The following CDH23 variants were observed in gnomAD, a reference collection of about 807,000 sequenced individuals.
CDH23 encodes cadherin related 23.
CDH23 carries 189 observed loss-of-function variants against 317.1 expected under a neutral mutation model. The ratio of observed to expected loss-of-function variants is 0.60; its 90% confidence interval spans 0.53 to 0.67. The LOEUF is 0.67. Ranked by LOEUF, CDH23 falls within the 30% of genes least tolerant of loss-of-function variation. The pLI is 0.00. For missense variants in CDH23, 4,401 were observed against 4,592.4 expected (o/e 0.96, Z 1.20); for synonymous variants, 1,839 against 1,876.8 (o/e 0.98, Z 0.52).
In CDH23 at chr10:71,812,822, C is replaced by T. The variant is rs121908353; in HGVS notation, c.9565C>T (p.Arg3189Trp). 1.5e-5 allele frequency: 24 copies of T among 1,613,342 alleles called. No homozygotes were observed. Among genetic ancestry groups the T allele is most frequent in the African/African-American group, 2.7e-5 (2 of 74,934 alleles). Reference sequence around the variant, plus strand: ...CAAGCCTGATGATGACCGATACCTGCGGGCTGCCATCCAGGAGTATGACAA... The same window carrying T: ...CAAGCCTGATGATGACCGATACCTGTGGGCTGCCATCCAGGAGTATGACAA... ...AVKPDDDRYL[R>W]AAIQEYDNIA... Residue 3189 changes from arginine to tryptophan, a missense_variant, in exon 68 of 70, where the codon CGG becomes TGG. Arg to Trp is a moderately radical substitution (Grantham distance 101). Around this residue, in one of 3 missense-constraint regions of CDH23, gnomAD observed 1,144 missense variants for 1,138.2 expected, o/e 1.01. Transcript: ENST00000224721.
In CDH23 at chr10:71,815,299, G is replaced by A; in HGVS notation, c.*21G>A. 1 of 1,539,198 alleles carries A rather than the reference G, an allele frequency of 6.5e-7. No homozygotes were observed. Among genetic ancestry groups the A allele is most frequent in the South Asian group, 1.3e-5 (1 of 79,624 alleles). ...TGTGACTAGACAGGGAAGCCTTGTG[G>A]GTGTGAGCAGCACCCATCCACCGTC... is the stretch of plus-strand genomic sequence containing the variant. On this transcript the variant is annotated 3_prime_UTR_variant, in exon 70 of 70. Coordinates refer to ENST00000224721, the MANE Select transcript of CDH23 (RefSeq NM_022124.6).
Position 71,619,387 on chromosome 10 carries a change from C to T in CDH23, c.1134+1994C>T, listed in dbSNP as rs549533423. Among the ~76,000 whole-genome samples, 5 of 151,740 alleles carry T rather than the reference C, an allele frequency of 3.3e-5. No individual in the cohort carries two copies. In the South Asian group the frequency reaches 1.0e-3, roughly 32 times the overall value. On this transcript the variant is annotated intron_variant, in intron 11 of 69. Transcript: ENST00000224721. The stretch of plus-strand genomic sequence containing the variant: ...TAGTAGTTTTAAAAGGTGGAAAAAA[C>T]AGGTATAAAAACAAGTTCTAATATG...
intron 1 of CDH23, among the ~76,000 whole-genome samples, chr10:71,410,673 C>G (rs1365950410): frequency 1.3e-5 from 2 of 152,164 alleles, no homozygotes; most frequent in Non-Finnish European, 2.9e-5. Flanking sequence ...GAAGTTAACT[C>G]CTATCCTGAC....
intron 11 of CDH23, 48 bp from the exon 12 acceptor site, chr10:71,643,813 C>G: frequency 1.3e-6 from 1 of 765,730 alleles, no homozygotes; most frequent in Non-Finnish European, 2.4e-6. Context: ...CTCTCCGGCT[C>G]CTTCTGTCTG....
chr10:71,541,440 G>C (rs1188290457), intron 6 of CDH23, among the ~76,000 whole-genome samples: 3 of 152,238 alleles, frequency 2.0e-5, no homozygotes, highest in Non-Finnish European at 4.4e-5. Flanking sequence ...GGCAAGTCTG[G>C]GGCCCTGGCC....
At chr10:71,712,429 G>A (rs1336020598) in intron 27 of CDH23, 2 of 502,982 alleles carry the variant, frequency 4.0e-6, no homozygotes, top group East Asian at 6.3e-5. Flanking sequence ...TGCTTCATGG[G>A]GTTGCTGTGA....
At position 71,785,725 on chromosome 10, in the gene CDH23, G is replaced by A. The variant is rs558551826; in HGVS notation, c.5807G>A (p.Arg1936His). The change falls in exon 44 of 70, where the codon CGC (arginine) becomes CAC (histidine). Residue 1936 changes from arginine to histidine, a missense_variant. By Grantham distance (29) the Arg-to-His change is conservative. This residue lies in a region of CDH23 where 3,068 missense variants were observed against 3,203.3 expected (regional missense o/e 0.96). Transcript: ENST00000224721. ...ISVKDNPENP[R>H]IARRDYDLLL... is the part of the protein sequence containing the mutation. ...GTGAAGGACAACCCGGAGAATCCACGCATAGCCAGGAGGGTGAGACTGGAG... is the reference window on the plus strand; with the variant it reads ...GTGAAGGACAACCCGGAGAATCCACACATAGCCAGGAGGGTGAGACTGGAG... 5.2e-5 allele frequency: 84 copies of A among 1,601,428 alleles called. No homozygotes were observed. The highest frequency in any genetic ancestry group is 2.8e-4 in the South Asian group (25 of 88,758).
At chr10:71,583,067 G>A (rs1004745517) in intron 9 of CDH23, among the ~76,000 whole-genome samples, 2 of 152,184 alleles carry the variant, frequency 1.3e-5, no homozygotes, top group South Asian at 2.1e-4. Flanking sequence ...GCAGGGTGGG[G>A]AGACTCCATG....
At chr10:71,570,959 G>C in intron 8 of CDH23, 41 bp downstream of exon 8, 1 of 1,607,984 alleles carries the variant, frequency 6.2e-7, no homozygotes, top group Non-Finnish European at 8.5e-7. Context: ...TCCCTTCTCA[G>C]AGGGACTTCC....
chr10:71,472,207 C>A (rs1851551590), intron 3 of CDH23, among the ~76,000 whole-genome samples: 1 of 152,194 alleles, frequency 6.6e-6, no homozygotes, highest in Non-Finnish European at 1.5e-5. Flanking sequence ...ACAGGAGGCC[C>A]TGGCAGGAGA....
At chr10:71,787,130 A>T (rs1274498521) in intron 44 of CDH23, among the ~76,000 whole-genome samples, 1 of 151,886 alleles carries the variant, frequency 6.6e-6, no homozygotes, top group African/African-American at 2.4e-5. Context: ...GAGAAACAGG[A>T]CTCATCTTCC....
At chr10:71,760,207 GTGTGTATATA>G (rs1326804363) in intron 38 of CDH23, among the ~76,000 whole-genome samples, 261 of 16,086 alleles carry the variant, frequency 0.016, 1 homozygote, top group Non-Finnish European at 0.025. Flanking sequence ...ACATATATAT[GTGTGTATATA>G]TGTGTATATA....
intron 14 of CDH23, among the ~76,000 whole-genome samples, chr10:71,655,978 G>C (rs890717963): frequency 2.0e-5 from 3 of 152,108 alleles, no homozygotes; most frequent in African/African-American, 7.2e-5. Flanking sequence ...AGAACCCCAA[G>C]GCCTGGCTTC....
At chr10:71,560,139 T>G (rs1398808888) in intron 6 of CDH23, among the ~76,000 whole-genome samples, 1 of 152,156 alleles carries the variant, frequency 6.6e-6, no homozygotes, top group East Asian at 1.9e-4. Context: ...CAAACCCCCA[T>G]ATTTGGAAGT....
intron 14 of CDH23, among the ~76,000 whole-genome samples, chr10:71,662,245 A>G (rs1303270653): frequency 1.3e-5 from 2 of 152,084 alleles, no homozygotes; most frequent in African/African-American, 4.8e-5. Flanking sequence ...TGTGGAATCA[A>G]TATGGTTCAT....
intron 27 of CDH23, among the ~76,000 whole-genome samples, chr10:71,710,463 G>A (rs781508912): frequency 3.9e-5 from 6 of 152,202 alleles, no homozygotes; most frequent in African/African-American, 1.2e-4. Flanking sequence ...CAACCTCCAG[G>A]AAGACAGTGC....
At chr10:71,445,207 G>A (rs895717211) in intron 2 of CDH23, among the ~76,000 whole-genome samples, 1 of 152,238 alleles carries the variant, frequency 6.6e-6, no homozygotes, top group Non-Finnish European at 1.5e-5. Flanking sequence ...TTATGCCCTG[G>A]AGTTCTCATT....
chr10:71,671,862 T>C (rs980031604), intron 14 of CDH23, among the ~76,000 whole-genome samples: 13 of 152,180 alleles, frequency 8.5e-5, no homozygotes, highest in Non-Finnish European at 1.6e-4. Context: ...TACTTACCTG[T>C]GGAGTTCTGG....
intron 14 of CDH23, among the ~76,000 whole-genome samples, chr10:71,662,616 C>T (rs530873106): frequency 6.9e-4 from 105 of 152,302 alleles, no homozygotes; most frequent in Non-Finnish European, 1.2e-3. Flanking sequence ...TAATGTCCCA[C>T]TTAACTGAGC....
Sources: allele counts gnomAD v4.1 joint callset (sites outside exome capture counted in the v4.1 genomes callset), GRCh38; gene constraint gnomAD v4.1.1; regional missense constraint gnomAD v4.1.1; transcripts MANE v1.5; gene names NCBI Gene and HGNC (gene_info 2026-07-23, HGNC 2026-07-21).